TMEM107: variants seen among roughly 807,000 people sequenced by gnomAD.
TMEM107 encodes the protein transmembrane protein 107.
In TMEM107, 18 loss-of-function variants were observed where a neutral mutation model predicts 16.8. The observed-to-expected ratio is 1.07, with a 90% confidence interval of 0.74 to 1.59. TMEM107 has a LOEUF of 1.59. Ranked by LOEUF, TMEM107 falls within the 40% of genes most tolerant of loss-of-function variation. The probability of loss-of-function intolerance (pLI) is 0.00; values close to 1 mark genes in which losing one functional copy is unlikely to be tolerated. For synonymous variants in TMEM107, 68 were observed against 71.6 expected (o/e 0.95, Z 0.25); for missense variants, 152 against 175.4 (o/e 0.87, Z 0.75).
In TMEM107 at chr17:8,175,845, C is replaced by G; in HGVS notation, c.168G>C (p.Ala56=). 6.2e-7 allele frequency: 1 copy of G among 1,614,170 alleles called. No individual in the cohort carries two copies. The highest frequency in any genetic ancestry group is 8.5e-7 in the Non-Finnish European group (1 of 1,180,024). ...CAAAGAGGCCCAGGGTGACAGAGAG[C>G]GCGGCCACCAGCCTGCAGAGAGGAA... The part of the protein sequence containing the change: ...YDKQDIQLVA[A]LSVTLGLFAV... Residue 56 remains alanine (A), a synonymous_variant, in exon 3 of 5, where the codon GCG becomes GCC. Transcript: ENST00000437139.
At position 8,173,388 on chromosome 17, in the gene TMEM107, T is replaced by C. The variant is rs1209632210; in HGVS notation, c.*815A>G. 1.9e-5 allele frequency: 13 copies of C among 697,436 alleles called. No individual in the cohort carries two copies. The highest frequency in any genetic ancestry group is 2.6e-5 in the Non-Finnish European group (10 of 377,430). The allele number at this position is 697,436 out of a possible 1,614,324, so 43.2% of individuals were successfully genotyped here. A position where few individuals can be genotyped will look rare whatever the true frequency, so the allele number is the denominator to read the frequency against. ...ACAGCAAGGTTATCCCAGTCAGAACTTCATAGCTATGTTTGTGGATATCTG... is the reference window on the plus strand; with the variant it reads ...ACAGCAAGGTTATCCCAGTCAGAACCTCATAGCTATGTTTGTGGATATCTG... On this transcript the variant is annotated 3_prime_UTR_variant, in exon 5 of 5. Coordinates refer to ENST00000437139, the MANE Select transcript of TMEM107 (RefSeq NM_183065.4).
intron 4 of TMEM107, 104 bp from the exon 5 acceptor site, chr17:8,174,376 G>A (rs1211498076): frequency 8.3e-6 from 11 of 1,319,398 alleles, no homozygotes; most frequent in South Asian, 7.1e-5. Flanking sequence ...GGCATGGGGG[G>A]TAGGGGATGA....
In TMEM107 at chr17:8,173,159, T is replaced by C. The variant is rs144270412; in HGVS notation, c.*1044A>G. On this transcript the variant is annotated 3_prime_UTR_variant, in exon 5 of 5. Transcript: ENST00000437139. ...AGGGCAACCACCATGTGCACAAGAC[T>C]GCAGATATTTACTGATGTGCAATGT... 2 of 330,618 alleles carry C rather than the reference T, an allele frequency of 6.0e-6. No homozygotes were observed. Among genetic ancestry groups the C allele is most frequent in the Admixed American group, 4.6e-5 (1 of 21,688 alleles). The allele number at this position is 330,618 out of a possible 1,614,324, so 20.5% of individuals were successfully genotyped here.
At position 8,173,839 on chromosome 17, in the gene TMEM107, T is replaced by C; in HGVS notation, c.*364A>G. 2 of 489,142 alleles carry C rather than the reference T, an allele frequency of 4.1e-6. No homozygotes were observed. Among genetic ancestry groups the C allele is most frequent in the Non-Finnish European group, 7.3e-6 (2 of 275,162 alleles). 30.3% of individuals were successfully genotyped at this position (489,142 alleles called of 1,614,324 possible). On this transcript the variant is annotated 3_prime_UTR_variant, in exon 5 of 5. Transcript: ENST00000437139. ...ACTGTACGCACTTTCTATTTACATATCTCCGCCCACTCCCTTCCGCCAGGC... is the reference window on the plus strand; with the variant it reads ...ACTGTACGCACTTTCTATTTACATACCTCCGCCCACTCCCTTCCGCCAGGC...
Position 8,173,467 on chromosome 17 carries a change from A to T in TMEM107, c.*736T>A, listed in dbSNP as rs919944133. ...TCGTCAGAAAGAATCAGACAGGAGC[A>T]ATCAGGGTGTTGCAAGTCCTGATTA... On this transcript the variant is annotated 3_prime_UTR_variant, in exon 5 of 5. Coordinates refer to ENST00000437139, the MANE Select transcript of TMEM107 (RefSeq NM_183065.4). The T allele has an allele frequency of 1.3e-6, 1 of 764,522 alleles. No individual in the cohort carries two copies. The highest frequency in any genetic ancestry group is 2.4e-6 in the Non-Finnish European group (1 of 417,886). The allele number at this position is 764,522 out of a possible 1,614,324, so 47.4% of individuals were successfully genotyped here.
Position 8,173,399 on chromosome 17 carries a change from GT to G in TMEM107, c.*803del, listed in dbSNP as rs765390842. ...ATCCCAGTCAGAACTTCATAGCTAT[GT>G]TTGTGGATATCTGCTAATCAGCATA... On this transcript the variant is annotated 3_prime_UTR_variant, in exon 5 of 5. Transcript: ENST00000437139. The G allele has an allele frequency of 1.4e-4, 98 of 722,354 alleles. No individual in the cohort carries two copies. The highest frequency in any genetic ancestry group is 2.1e-4 in the Non-Finnish European group (84 of 391,790). The allele number at this position is 722,354 out of a possible 1,614,324, so 44.7% of individuals were successfully genotyped here. A position where few individuals can be genotyped will look rare whatever the true frequency, so the allele number is the denominator to read the frequency against.
Position 8,174,107 on chromosome 17 carries a change from AG to A in TMEM107, c.*95del, listed in dbSNP as rs1467763365. 1.4e-5 allele frequency: 15 copies of A among 1,056,568 alleles called. No homozygotes were observed. In the African/African-American group the frequency reaches 1.9e-4, roughly 13 times the overall value. The allele number at this position is 1,056,568 out of a possible 1,614,324, so 65.4% of individuals were successfully genotyped here. ...TATCCTCCAGCAGAAGCAGTTTCCG[AG>A]GGGAAAACCGAAGCCTATGCCTTCC... On this transcript the variant is annotated 3_prime_UTR_variant, in exon 5 of 5. Transcript: ENST00000437139.
In TMEM107 at chr17:8,174,197, AG is replaced by A. The variant is rs758877756; in HGVS notation, c.*5del. 2.2e-5 allele frequency: 35 copies of A among 1,613,584 alleles called. 1 individual carries two copies. The highest frequency in any genetic ancestry group is 2.4e-5 in the Non-Finnish European group (28 of 1,179,572). ...CTTCGTCCTTAGGTTCCCGTCATGA[AG>A]GTAATCAGAAGGGTTTCTTTTTCAG... On this transcript the variant is annotated 3_prime_UTR_variant, in exon 5 of 5. Coordinates refer to ENST00000437139, the MANE Select transcript of TMEM107 (RefSeq NM_183065.4).
intron 1 of TMEM107, 33 bp from the exon 2 acceptor site, chr17:8,176,059 A>C (rs753681462): frequency 7.4e-6 from 12 of 1,613,248 alleles, no homozygotes; most frequent in Non-Finnish European, 1.0e-5. Flanking sequence ...GAAGTGAAAA[A>C]GGGGCAGGCT....
rs75008470 is a variant in TMEM107 at position 8,173,448 on chromosome 17, G to T, written c.*755C>A. 14 of 762,516 alleles carry T rather than the reference G, an allele frequency of 1.8e-5. No individual in the cohort carries two copies. The highest frequency in any genetic ancestry group is 1.2e-4 in the Admixed American group (7 of 58,802). The allele number at this position is 762,516 out of a possible 1,614,324, so 47.2% of individuals were successfully genotyped here. The stretch of plus-strand genomic sequence containing the variant: ...ATAACACAAATGTAAGTGATCGTCA[G>T]AAAGAATCAGACAGGAGCAATCAGG... On this transcript the variant is annotated 3_prime_UTR_variant, in exon 5 of 5. Coordinates refer to ENST00000437139, the MANE Select transcript of TMEM107 (RefSeq NM_183065.4).
In TMEM107 at chr17:8,173,772, T is replaced by C. The variant is rs1398690121; in HGVS notation, c.*431A>G. The C allele has an allele frequency of 1.8e-6, 1 of 552,718 alleles. No homozygotes were observed. Among genetic ancestry groups the C allele is most frequent in the African/African-American group, 1.9e-5 (1 of 52,672 alleles). The allele number at this position is 552,718 out of a possible 1,614,324, so 34.2% of individuals were successfully genotyped here. ...GGCTGCCGAAAAGGAATAAATTACT[T>C]CTTCCCAGAATGCTCCGATCAGTTA... On this transcript the variant is annotated 3_prime_UTR_variant, in exon 5 of 5. Transcript: ENST00000437139.
rs908661294 is a variant in TMEM107 at position 8,173,495 on chromosome 17, C to G, written c.*708G>C. ...CAGGGTGTTGCAAGTCCTGATTACG[C>G]AGAGACGTTAATCACGTTTCATGCA... On this transcript the variant is annotated 3_prime_UTR_variant, in exon 5 of 5. Transcript: ENST00000437139. 9.1e-6 allele frequency: 7 copies of G among 765,036 alleles called. No homozygotes were observed. Among genetic ancestry groups the G allele is most frequent in the African/African-American group, 5.1e-5 (3 of 59,122 alleles). 47.4% of individuals were successfully genotyped at this position (765,036 alleles called of 1,614,324 possible). A position where few individuals can be genotyped will look rare whatever the true frequency, so the allele number is the denominator to read the frequency against.
Position 8,173,325 on chromosome 17 carries a change from A to C in TMEM107, c.*878T>G, listed in dbSNP as rs374814301. ...CAAACAAATTTAGCAAGACTGCAAA[A>C]TAGACAAACAGCAATAGCAAGACTG... On this transcript the variant is annotated 3_prime_UTR_variant, in exon 5 of 5. Coordinates refer to ENST00000437139, the MANE Select transcript of TMEM107 (RefSeq NM_183065.4). 21 of 553,892 alleles carry C rather than the reference A, an allele frequency of 3.8e-5. No homozygotes were observed. The highest frequency in any genetic ancestry group is 1.5e-4 in the African/African-American group (8 of 52,724). 34.3% of individuals were successfully genotyped at this position (553,892 alleles called of 1,614,324 possible). A position where few individuals can be genotyped will look rare whatever the true frequency, so the allele number is the denominator to read the frequency against.
At position 8,175,766 on chromosome 17, in the gene TMEM107, T is replaced by C. The variant is rs139253975; in HGVS notation, c.247A>G (p.Ser83Gly). The change falls in exon 3 of 5, where the codon AGC (serine) becomes GGC (glycine). Residue 83 changes from serine (S) to glycine (G), a missense_variant. Ser to Gly is a moderately conservative substitution (Grantham distance 56). Transcript: ENST00000437139. ...CAGGCAGAAAGGATACAGATGAGGC[T>C]CTGGGTGCTGTTGAACATGGAGACT... ...SGVSMFNSTQ[S>G]LISIGAHCSA... The C allele has an allele frequency of 3.1e-6, 5 of 1,613,934 alleles. No individual in the cohort carries two copies. In the African/African-American group the frequency reaches 4.0e-5, roughly 13 times the overall value.
At position 8,173,517 on chromosome 17, in the gene TMEM107, T is replaced by G. The variant is rs201558321; in HGVS notation, c.*686A>C. The G allele has an allele frequency of 7.8e-6, 6 of 765,396 alleles. No homozygotes were observed. The highest frequency in any genetic ancestry group is 1.2e-5 in the Non-Finnish European group (5 of 418,028). The allele number at this position is 765,396 out of a possible 1,614,324, so 47.4% of individuals were successfully genotyped here. A position where few individuals can be genotyped will look rare whatever the true frequency, so the allele number is the denominator to read the frequency against. ...ACGCAGAGACGTTAATCACGTTTCA[T>G]GCATCTCCAATCATCATGTTCTAAT... On this transcript the variant is annotated 3_prime_UTR_variant, in exon 5 of 5. Coordinates refer to ENST00000437139, the MANE Select transcript of TMEM107 (RefSeq NM_183065.4).
In TMEM107 at chr17:8,173,570, G is replaced by T; in HGVS notation, c.*633C>A. 3.9e-6 allele frequency: 3 copies of T among 764,862 alleles called. No homozygotes were observed. The highest frequency in any genetic ancestry group is 7.2e-6 in the Non-Finnish European group (3 of 417,740). 47.4% of individuals were successfully genotyped at this position (764,862 alleles called of 1,614,324 possible). Reference sequence around the variant, plus strand: ...GCCCTCCGGAGGAGGAACAGGTAAGGATTATCCCACCTGACGATACAGACA... The same window carrying T: ...GCCCTCCGGAGGAGGAACAGGTAAGTATTATCCCACCTGACGATACAGACA... On this transcript the variant is annotated 3_prime_UTR_variant, in exon 5 of 5. Transcript: ENST00000437139.
rs1983642861 is a variant in TMEM107, at chr17:8,172,866, A to AC, written c.*1336_*1337insG. The stretch of plus-strand genomic sequence containing the variant: ...GAGTGAGACTGTCTCAAAAAAAAAA[A>AC]AAAAAAAAACCAAAAGAGGGGGGTG... On this transcript the variant is annotated 3_prime_UTR_variant, in exon 5 of 5. Transcript: ENST00000437139. Among the ~76,000 whole-genome samples, 1 of 148,296 alleles carries AC rather than the reference A, an allele frequency of 6.7e-6. No homozygotes were observed. Among genetic ancestry groups the AC allele is most frequent in the East Asian group, 1.9e-4 (1 of 5,162 alleles).
In TMEM107 at chr17:8,173,741, TC is replaced by T. The variant is rs536414922; in HGVS notation, c.*461del. On this transcript the variant is annotated 3_prime_UTR_variant, in exon 5 of 5. Transcript: ENST00000437139. ...TCGCACATTTTTTTAAATTTTTTTT[TC>T]ATTCGGCTGCCGAAAAGGAATAAAT... The T allele has an allele frequency of 2.7e-4, 151 of 560,898 alleles. 1 individual carries two copies. Among genetic ancestry groups the T allele is most frequent in the African/African-American group, 2.5e-3 (130 of 52,702 alleles). The allele number at this position is 560,898 out of a possible 1,614,324, so 34.7% of individuals were successfully genotyped here.
At position 8,173,801 on chromosome 17, in the gene TMEM107, G is replaced by A. The variant is rs951259972; in HGVS notation, c.*402C>T. On this transcript the variant is annotated 3_prime_UTR_variant, in exon 5 of 5. Coordinates refer to ENST00000437139, the MANE Select transcript of TMEM107 (RefSeq NM_183065.4). ...CCCAGAATGCTCCGATCAGTTACGT[G>A]CCGGACGTTCTAACTGTACGCACTT... is the stretch of plus-strand genomic sequence containing the variant. 2.9e-5 allele frequency: 15 copies of A among 526,014 alleles called. No individual in the cohort carries two copies. Among genetic ancestry groups the A allele is most frequent in the Non-Finnish European group, 4.4e-5 (13 of 296,222 alleles). The allele number at this position is 526,014 out of a possible 1,614,324, so 32.6% of individuals were successfully genotyped here.
Sources: allele counts gnomAD v4.1 joint callset (sites outside exome capture counted in the v4.1 genomes callset), GRCh38; gene constraint gnomAD v4.1.1; transcripts MANE v1.5; gene names NCBI Gene and HGNC (gene_info 2026-07-23, HGNC 2026-07-21).